The following SLC5A10 variants were observed in gnomAD, a reference collection of about 807,000 sequenced individuals.
SLC5A10 encodes the protein solute carrier family 5 member 10, also known as sodium/mannose cotransporter SLC5A10.
SLC5A10 carries 55 observed loss-of-function variants against 68.9 expected under a neutral mutation model. The ratio of observed to expected loss-of-function variants is 0.80; its 90% CI spans 0.64 to 1.00. The LOEUF is 1.00. Among genes scored for constraint, SLC5A10 ranks in the 50% least tolerant of loss-of-function variants. The probability of loss-of-function intolerance (pLI) is 0.00; values close to 1 mark genes in which losing one functional copy is unlikely to be tolerated. For missense variants in SLC5A10, 732 were observed against 819.3 expected (o/e 0.89, Z 1.30); for synonymous variants, 344 against 344.8 (o/e 1.00, Z 0.02).
rs2044220888 is a variant in SLC5A10, at chr17:19,019,721, C to T, written c.1419C>T (p.Phe473=). 1 of 1,610,452 alleles carries T rather than the reference C, an allele frequency of 6.2e-7. No homozygotes were observed. Among genetic ancestry groups the T allele is most frequent in the Non-Finnish European group, 8.5e-7 (1 of 1,179,546 alleles). The change falls in exon 13 of 15, where the codon TTC becomes TTT. Residue 473 remains phenylalanine, a synonymous_variant. Coordinates refer to ENST00000395645, the MANE Select transcript of SLC5A10 (RefSeq NM_001042450.4). ...FWRRANEQGA[F]WGLIAGLVVG... ...GCCTCCCTCCTCCCCAGGGGGCCTT[C>T]TGGGGCCTGATAGCAGGGCTGGTGG...
chr17:18,989,394 T>C (rs985196914), intron 9 of SLC5A10, among the ~76,000 whole-genome samples: 3 of 152,176 alleles, frequency 2.0e-5, no homozygotes, highest in Admixed American at 2.0e-4. Context: ...CGCCCCAAAG[T>C]GAGCTCACCA....
Position 18,971,096 on chromosome 17 carries a change from T to A in SLC5A10, c.724T>A (p.Cys242Ser), listed in dbSNP as rs757377168. The change falls in exon 8 of 15, where the codon TGC (cysteine) becomes AGC (serine). Residue 242 changes from cysteine (C) to serine (S), a missense_variant. Transcript: ENST00000395645. This position sits in a 1 kb window ranked among gnomAD's most constrained non-coding sequence, Gnocchi z 5.5. ...CTCCAGGACCATTGCCAACACCACC[T>A]GCCACCTGCCACGTACAGACGCCAT... ...IPSRTIANTT[C>S]HLPRTDAMHM... 6.2e-7 allele frequency: 1 copy of A among 1,614,062 alleles called. No homozygotes were observed. The highest frequency in any genetic ancestry group is 8.5e-7 in the Non-Finnish European group (1 of 1,180,030).
At position 18,986,402 on chromosome 17, in the gene SLC5A10, T is replaced by A. The variant is rs186889431; in HGVS notation, c.982+9413T>A. On this transcript the variant is annotated intron_variant, in intron 9 of 14. Coordinates refer to ENST00000395645, the MANE Select transcript of SLC5A10 (RefSeq NM_001042450.4). ...GTACCAGGGATCTGCAGCCTCCTTG[T>A]CAGAGCTGATTTGTCACTATTGGCT... 2.2e-3 allele frequency: 337 copies of A among 152,380 alleles called. 1 individual carries two copies. Among genetic ancestry groups the A allele is most frequent in the African/African-American group, 7.4e-3 (308 of 41,586 alleles). The allele number at this position is 152,380 out of a possible 1,614,324, so 9.4% of individuals were successfully genotyped here.
rs775474115 is a variant in SLC5A10, at chr17:19,003,599, C to A, written c.983-9811C>A. 1.2e-5 allele frequency: 19 copies of A among 1,610,300 alleles called. No individual in the cohort carries two copies. The highest frequency in any genetic ancestry group is 2.7e-5 in the African/African-American group (2 of 74,832). ...GTCTATGGGGGGCTGCATGTAGACG[C>A]TAGCCCGGGTCACGCCGCGGTAGGC... On this transcript the variant is annotated intron_variant, in intron 9 of 14. Transcript: ENST00000395645. The surrounding 1 kb of genome is among the most constrained non-coding windows in gnomAD (Gnocchi z 4.5).
chr17:18,962,198 G>T (rs931751763), intron 5 of SLC5A10, among the ~76,000 whole-genome samples: 10 of 152,210 alleles, frequency 6.6e-5, no homozygotes, highest in African/African-American at 2.4e-4. Flanking sequence ...GCACTGTGGT[G>T]AGAAATAGAT....
intron 8 of SLC5A10, among the ~76,000 whole-genome samples, chr17:18,973,884 G>GTTT (rs35778801): frequency 5.9e-4 from 56 of 95,724 alleles, no homozygotes; most frequent in African/African-American, 1.5e-3. Flanking sequence ...TTTTTTTTAA[G>GTTT]TTTTTTTTTT....
rs1484881096 is a variant in SLC5A10 at position 18,996,048 on chromosome 17, T to C, written c.983-17362T>C. On this transcript the variant is annotated intron_variant, in intron 9 of 14. Coordinates refer to ENST00000395645, the MANE Select transcript of SLC5A10 (RefSeq NM_001042450.4). The surrounding 1 kb of genome is among the most constrained non-coding windows in gnomAD (Gnocchi z 4.4). ...AAACAACCAGAAGAGAAAAGACAAC[T>C]GCATGTCAAGGAACAAAGTAAGTGG... Among the ~76,000 whole-genome samples the C allele has an allele frequency of 6.6e-6, 1 of 150,484 alleles. No homozygotes were observed. The highest frequency in any genetic ancestry group is 1.5e-5 in the Non-Finnish European group (1 of 67,802).
intron 5 of SLC5A10, among the ~76,000 whole-genome samples, chr17:18,966,273 G>A (rs1462338191): frequency 6.6e-6 from 1 of 152,308 alleles, no homozygotes. Context: ...AGCTGGGGGT[G>A]GACCAGTTGC....
rs1453680199 is a variant in SLC5A10, at chr17:18,976,957, T to C, written c.950T>C (p.Met317Thr). The C allele has an allele frequency of 1.2e-6, 2 of 1,613,166 alleles. No individual in the cohort carries two copies. Among genetic ancestry groups the C allele is most frequent in the South Asian group, 1.1e-5 (1 of 91,062 alleles). ...ATGCTCCCCATGGGCCTGATCATCA[T>C]GCCGGGCATGATCAGCCGCGCATTG... The part of the protein sequence containing the change: ...LKMLPMGLII[M>T]PGMISRALFP... The change falls in exon 9 of 15, where the codon ATG (methionine) becomes ACG (threonine). Residue 317 changes from methionine (M) to threonine (T), a missense_variant. Met to Thr is a moderately conservative substitution (Grantham distance 81). Transcript: ENST00000395645.
At position 18,960,430 on chromosome 17, in the gene SLC5A10, T is replaced by A. The variant is rs1289186624; in HGVS notation, c.349-118T>A. 2.3e-5 allele frequency: 21 copies of A among 920,584 alleles called. No homozygotes were observed. In the East Asian group the frequency reaches 4.6e-4, roughly 20 times the overall value. 57.0% of individuals were successfully genotyped at this position (920,584 alleles called of 1,614,324 possible). A position where few individuals can be genotyped will look rare whatever the true frequency, so the allele number is the denominator to read the frequency against. On this transcript the variant is annotated intron_variant, in intron 4 of 14. Transcript: ENST00000395645. ...GGGGTCAGTGCCTGGGCCTTGCCCT[T>A]GAGAGGCTCGCAGCTGCTTTGTGGC... is the stretch of plus-strand genomic sequence containing the variant.
chr17:19,013,222 AAGG>A, intron 9 of SLC5A10, 185 bp from the exon 10 acceptor site: 1 of 836,778 alleles, frequency 1.2e-6, no homozygotes, highest in Non-Finnish European at 1.8e-6. Flanking sequence ...CAGCAGGGAA[AAGG>A]ATTTTCAGAG....
At position 19,003,375 on chromosome 17, in the gene SLC5A10, T is replaced by C. The variant is rs1272880082; in HGVS notation, c.983-10035T>C. On this transcript the variant is annotated intron_variant, in intron 9 of 14. Transcript: ENST00000395645. This position sits in a 1 kb window ranked among gnomAD's most constrained non-coding sequence, Gnocchi z 4.5. ...TCCCCACGAAGGTGGGGAGGAAACC[T>C]CCACCCAAGAGGCAGCCAGGGAAAA... is the stretch of plus-strand genomic sequence containing the variant. 1.1e-5 allele frequency: 10 copies of C among 893,164 alleles called. No homozygotes were observed. The East Asian group carries it at 3.2e-4, about 29-fold the overall frequency. 55.3% of individuals were successfully genotyped at this position (893,164 alleles called of 1,614,324 possible).
chr17:19,005,399 CCCTG>C (rs2043857350), intron 9 of SLC5A10, among the ~76,000 whole-genome samples: 3 of 152,172 alleles, frequency 2.0e-5, no homozygotes, highest in African/African-American at 7.2e-5. Context: ...GGGGTTGGGA[CCCTG>C]GTTATGGGGA....
intron 10 of SLC5A10, 83 bp downstream of exon 10, chr17:19,013,600 C>A: frequency 2.4e-6 from 1 of 413,682 alleles, no homozygotes; most frequent in Non-Finnish European, 3.7e-6. Flanking sequence ...GTGGAGGCTG[C>A]CACTCACTGG....
intron 9 of SLC5A10, chr17:18,977,289 G>A: frequency 1.7e-6 from 1 of 578,164 alleles, no homozygotes; most frequent in East Asian, 2.9e-5. Context: ...TCTGGCAGGT[G>A]CCATCAAGAT....
At chr17:19,020,102 CCCCCACCCT>C in intron 13 of SLC5A10, 44 bp from the exon 14 acceptor site, 4 of 1,098,456 alleles carry the variant, frequency 3.6e-6, no homozygotes, top group Non-Finnish European at 5.5e-6. Context: ...GTCTGGGTCA[CCCCCACCCT>C]GCCATCCCCC....
chr17:18,962,835 CCT>C (rs370128992), intron 5 of SLC5A10, among the ~76,000 whole-genome samples: 39 of 152,228 alleles, frequency 2.6e-4, no homozygotes, highest in African/African-American at 7.0e-4. Context: ...TTCTCTGCCC[CCT>C]GTTTCACCCT....
intron 9 of SLC5A10, among the ~76,000 whole-genome samples, chr17:18,998,875 G>A (rs1463884719): frequency 3.3e-5 from 5 of 152,220 alleles, no homozygotes; most frequent in Non-Finnish European, 7.3e-5. Flanking sequence ...AGGATGCAAT[G>A]AGTGGCCTTC....
In SLC5A10 at chr17:18,968,986, A is replaced by G; in HGVS notation, c.454-66A>G. 4 of 1,510,472 alleles carry G rather than the reference A, an allele frequency of 2.6e-6. No homozygotes were observed. The highest frequency in any genetic ancestry group is 1.4e-5 in the African/African-American group (1 of 72,652). 93.6% of individuals were successfully genotyped at this position (1,510,472 alleles called of 1,614,324 possible). A position where few individuals can be genotyped will look rare whatever the true frequency, so the allele number is the denominator to read the frequency against. ...CCCAGAGAGGGCCTTGCCCGAGGTCACCCAGGGAGTGGCTTGCTGGAGCCC... is the reference window on the plus strand; with the variant it reads ...CCCAGAGAGGGCCTTGCCCGAGGTCGCCCAGGGAGTGGCTTGCTGGAGCCC... On this transcript the variant is annotated intron_variant, in intron 5 of 14. Transcript: ENST00000395645. The surrounding 1 kb of genome is among the most constrained non-coding windows in gnomAD (Gnocchi z 4.1).
Sources: gnomAD v4.1 joint callset for allele counts (sites outside exome capture counted in the v4.1 genomes callset) on GRCh38, gnomAD v4.1.1 for gene constraint, Gnocchi (gnomAD v3.1) non-coding constraint, MANE v1.5 for transcripts, NCBI Gene and HGNC (gene_info 2026-07-23, HGNC 2026-07-21) for gene names.